Variants in PSMD9 observed in about 807,000 individuals in gnomAD.
PSMD9 encodes 26S proteasome non-ATPase regulatory subunit 9.
In PSMD9, 26 loss-of-function variants were observed where a neutral mutation model predicts 25.9. The observed-to-expected ratio is 1.00, with a 90% CI of 0.73 to 1.39. PSMD9 has a LOEUF of 1.39. Ranked by LOEUF, PSMD9 falls within the 40% of genes most tolerant of loss-of-function variation. PSMD9 has a pLI of 0.00. For synonymous variants in PSMD9, 110 were observed against 114.5 expected (o/e 0.96, Z 0.25); for missense variants, 303 against 299.3 (o/e 1.01, Z -0.09).
In PSMD9 at chr12:121,888,994, C is replaced by G. The variant is rs1315224320; in HGVS notation, c.138C>G (p.Ser46Arg). The change falls in exon 1 of 6, where the codon AGC becomes AGG. Residue 46 changes from serine to arginine, a missense_variant and splice_region_variant. Ser to Arg is a moderately radical substitution (Grantham distance 110). Transcript: ENST00000541212. The part of the protein sequence containing the change: ...QIKANYDVLE[S>R]QKGIGMNEPL... ...AGGCCAACTATGACGTGCTGGAAAG[C>G]GTGAGTGTGGGTTCGGGGCGCCCCA... The G allele has an allele frequency of 3.2e-6, 5 of 1,583,352 alleles. No individual in the cohort carries two copies. In the South Asian group the frequency reaches 5.7e-5, roughly 18 times the overall value.
intron 1 of PSMD9, among the ~76,000 whole-genome samples, chr12:121,893,054 A>G (rs1879132435): frequency 6.6e-6 from 1 of 152,210 alleles, no homozygotes; most frequent in Non-Finnish European, 1.5e-5. Flanking sequence ...AGGATTGTAG[A>G]GAATTGGGAG....
intron 1 of PSMD9, among the ~76,000 whole-genome samples, chr12:121,891,577 G>A (rs1364257089): frequency 6.6e-6 from 1 of 150,810 alleles, no homozygotes; most frequent in Admixed American, 6.6e-5. Context: ...TTCAGCCTGG[G>A]TGACAGAGCG....
At chr12:121,901,008 G>T (rs2688406) in intron 3 of PSMD9, among the ~76,000 whole-genome samples, 62 of 134,302 alleles carry the variant, frequency 4.6e-4, no homozygotes, top group African/African-American at 1.9e-3. Flanking sequence ...AAAAAAAAAA[G>T]GAGATGGGGT....
chr12:121,894,696 A>T, intron 1 of PSMD9, 43 bp from the exon 2 acceptor site: 2 of 1,546,236 alleles, frequency 1.3e-6, no homozygotes, highest in Non-Finnish European at 1.8e-6. Context: ...TCCTGGGGAC[A>T]TTACACCCAT....
chr12:121,899,852 C>T lies in PSMD9; in HGVS notation c.453+7C>T. 2 of 1,613,862 alleles carry T rather than the reference C, an allele frequency of 1.2e-6. No homozygotes were observed. The highest frequency in any genetic ancestry group is 1.7e-6 in the Non-Finnish European group (2 of 1,179,860). ...CTCCCCAGCCAGCATCGCGGTAATC[C>T]AGGGGTTGGCCACTCAAGTCCATGC... On this transcript the variant is annotated splice_region_variant and intron_variant, in intron 3 of 5. Transcript: ENST00000541212.
chr12:121,912,701 G>GA (rs1035129596), intron 4 of PSMD9, among the ~76,000 whole-genome samples: 14 of 151,304 alleles, frequency 9.3e-5, no homozygotes, highest in African/African-American at 2.4e-4. Context: ...CCTGTCTCTG[G>GA]AAAAAAATAC....
At chr12:121,895,695 C>T (rs1213834204) in intron 2 of PSMD9, among the ~76,000 whole-genome samples, 1 of 152,186 alleles carries the variant, frequency 6.6e-6, no homozygotes, top group Admixed American at 6.5e-5. Flanking sequence ...CTCTTTCTCT[C>T]ACTCTCCTGC....
chr12:121,912,975 C>T (rs1376580571), intron 4 of PSMD9, among the ~76,000 whole-genome samples: 2 of 141,384 alleles, frequency 1.4e-5, no homozygotes, highest in Admixed American at 7.2e-5. Context: ...CTCGCTCTGT[C>T]ACCCAGGCTG....
At position 121,891,799 on chromosome 12, in the gene PSMD9, G is replaced by A. The variant is rs146692143; in HGVS notation, c.138+2805G>A. ...TACACATCTATAATCCCAGCTACCC[G>A]GGAGGCTGATGCAAGAGAATCACTT... On this transcript the variant is annotated intron_variant, in intron 1 of 5. Transcript: ENST00000541212. Among the ~76,000 whole-genome samples, 30 of 150,614 alleles carry A rather than the reference G, an allele frequency of 2.0e-4. No homozygotes were observed. The East Asian group carries it at 5.1e-3, about 25-fold the overall frequency.
intron 4 of PSMD9, chr12:121,914,879 T>A (rs1474455847): frequency 6.6e-6 from 1 of 151,830 alleles, no homozygotes; most frequent in Non-Finnish European, 1.5e-5. Context: ...TACATACGCA[T>A]GGTTAAAAAA....
intron 5 of PSMD9, 63 bp downstream of exon 5, chr12:121,916,007 G>A: frequency 6.6e-7 from 1 of 1,522,382 alleles, no homozygotes; most frequent in Non-Finnish European, 9.1e-7. Flanking sequence ...TAAACATGAA[G>A]CTGGAGGGGA....
chr12:121,894,995 G>A (rs1879190875), intron 2 of PSMD9, among the ~76,000 whole-genome samples, 154 bp downstream of exon 2: 1 of 152,068 alleles, frequency 6.6e-6, no homozygotes, highest in African/African-American at 2.4e-5. Context: ...CCAAGGGAAT[G>A]GGCTAGACTC....
chr12:121,889,421 T>G (rs1461585542), intron 1 of PSMD9, among the ~76,000 whole-genome samples: 1 of 152,218 alleles, frequency 6.6e-6, no homozygotes, highest in Non-Finnish European at 1.5e-5. Flanking sequence ...TCTCACTGTG[T>G]TGCCCAGGTT....
intron 1 of PSMD9, among the ~76,000 whole-genome samples, chr12:121,890,871 C>T (rs1197569530): frequency 6.6e-6 from 1 of 151,960 alleles, no homozygotes. Flanking sequence ...CATGTTGATA[C>T]GGCATGTTGG....
chr12:121,901,656 T>C (rs953861650), intron 3 of PSMD9, among the ~76,000 whole-genome samples: 2 of 146,238 alleles, frequency 1.4e-5, no homozygotes, highest in East Asian at 2.0e-4. Context: ...TGCCTGGCCC[T>C]TCATTCCTTC....
intron 4 of PSMD9, among the ~76,000 whole-genome samples, chr12:121,903,891 A>G (rs1034360415): frequency 1.3e-5 from 2 of 149,650 alleles, no homozygotes; most frequent in African/African-American, 4.9e-5. Flanking sequence ...CCAGGCTGGA[A>G]TTTTTGTTGT....
intron 1 of PSMD9, 52 bp from the exon 2 acceptor site, chr12:121,894,687 C>T: frequency 6.7e-7 from 1 of 1,495,698 alleles, no homozygotes; most frequent in South Asian, 1.1e-5. Context: ...GGAAAGACAT[C>T]CTGGGGACAT....
intron 1 of PSMD9, among the ~76,000 whole-genome samples, chr12:121,889,984 C>T (rs549356396): frequency 2.6e-5 from 4 of 152,158 alleles, no homozygotes; most frequent in Admixed American, 2.6e-4. Context: ...GTGGCTCAAT[C>T]TCGGCTCACT....
At chr12:121,898,960 TC>T (rs1592942914) in intron 2 of PSMD9, 1 of 152,488 alleles carries the variant, frequency 6.6e-6, no homozygotes, top group African/African-American at 2.4e-5. Context: ...GACCTCGTGA[TC>T]CGGCCACCTT....
Sources: allele counts gnomAD v4.1 joint callset (sites outside exome capture counted in the v4.1 genomes callset), GRCh38; gene constraint gnomAD v4.1.1; transcripts MANE v1.5; gene names NCBI Gene and HGNC (gene_info 2026-07-23, HGNC 2026-07-21).